The following ANKRD31 variants were observed in gnomAD, a reference collection of about 807,000 sequenced individuals.
ANKRD31 encodes the protein ankyrin repeat domain-containing protein 31.
In ANKRD31, 147 loss-of-function variants were observed where a neutral mutation model predicts 186.0. The ratio of observed to expected loss-of-function variants is 0.79; its 90% CI spans 0.69 to 0.91. The LOEUF (loss-of-function observed/expected upper bound fraction) is 0.91. ANKRD31 is among the 40% of genes least tolerant of loss of function. The probability of loss-of-function intolerance (pLI) is 0.00; values close to 1 mark genes in which losing one functional copy is unlikely to be tolerated. For missense variants in ANKRD31, 1,986 were observed against 2,148.8 expected (o/e 0.92, Z 1.50); for synonymous variants, 673 against 736.4 (o/e 0.91, Z 1.39).
In ANKRD31 at chr5:75,147,040, G is replaced by C. The variant is rs1751495014; in HGVS notation, c.2371C>G (p.Leu791Val). 6.5e-7 allele frequency: 1 copy of C among 1,536,140 alleles called. No homozygotes were observed. The highest frequency in any genetic ancestry group is 8.7e-7 in the Non-Finnish European group (1 of 1,146,296). ...GTACTGCTATCTAATCCATTTCTCAGGCTTGACAGAGTTAAGCTGGAAGGT... is the reference window on the plus strand; with the variant it reads ...GTACTGCTATCTAATCCATTTCTCACGCTTGACAGAGTTAAGCTGGAAGGT... ...CEPSSLTLSS[L>V]RNGLDSSTEA... The change falls in exon 14 of 26, where the codon CTG becomes GTG. Residue 791 changes from leucine to valine, a missense_variant. Coordinates refer to ENST00000506364, the MANE Select transcript of ANKRD31 (RefSeq NM_001372053.1).
chr5:75,169,004 T>A lies in ANKRD31; in HGVS notation c.1682A>T (p.Asp561Val), dbSNP rs1753124872. The change falls in exon 11 of 26, where the codon GAT becomes GTT. Residue 561 changes from aspartate to valine, a missense_variant. Transcript: ENST00000506364. ...KGLYQITPLH[D>V]AVMNGHYKVA... ...CTTATAATGTCCATTCATCACTGCATCATGTAGGGGAGTAATCTGGTATAA... is the reference window on the plus strand; with the variant it reads ...CTTATAATGTCCATTCATCACTGCAACATGTAGGGGAGTAATCTGGTATAA... 6.5e-7 allele frequency: 1 copy of A among 1,536,378 alleles called. No individual in the cohort carries two copies. Among genetic ancestry groups the A allele is most frequent in the Non-Finnish European group, 8.7e-7 (1 of 1,146,308 alleles).
At chr5:75,126,153 G>T (rs995820216) in intron 17 of ANKRD31, among the ~76,000 whole-genome samples, 1 of 152,130 alleles carries the variant, frequency 6.6e-6, no homozygotes, top group Non-Finnish European at 1.5e-5. Context: ...CACCCATATT[G>T]TTGTGTATAT....
At chr5:75,172,394 A>G (rs1419556717) in intron 10 of ANKRD31, among the ~76,000 whole-genome samples, 2 of 151,540 alleles carry the variant, frequency 1.3e-5, no homozygotes, top group African/African-American at 4.8e-5. Flanking sequence ...TAAATTAAGA[A>G]TAGGCTCCTT....
chr5:75,222,382 T>C (rs1325091153), intron 2 of ANKRD31, 24 bp from the exon 3 acceptor site: 4 of 1,492,102 alleles, frequency 2.7e-6, no homozygotes, highest in Non-Finnish European at 3.6e-6. Flanking sequence ...TAATCATAAA[T>C]CATTTACAAC....
chr5:75,132,344 C>G (rs1008849257), intron 17 of ANKRD31, among the ~76,000 whole-genome samples: 8 of 152,104 alleles, frequency 5.3e-5, no homozygotes, highest in Non-Finnish European at 1.0e-4. Flanking sequence ...GAGCTGAAAA[C>G]CATGGCACGA....
In ANKRD31 at chr5:75,188,552, G is replaced by C; in HGVS notation, c.1505C>G (p.Ala502Gly). 2.0e-6 allele frequency: 3 copies of C among 1,536,218 alleles called. No individual in the cohort carries two copies. The highest frequency in any genetic ancestry group is 2.6e-6 in the Non-Finnish European group (3 of 1,146,384). The change falls in exon 10 of 26, where the codon GCT (alanine) becomes GGT (glycine). Residue 502 changes from alanine to glycine, a missense_variant. Physicochemically the swap from Ala to Gly is moderately conservative, Grantham distance 60. Transcript: ENST00000506364. ...LVYKAALHDDADLVHHCIKKG... is the reference protein window; with the variant it reads ...LVYKAALHDDGDLVHHCIKKG... Reference sequence around the variant, plus strand: ...TTTTATACAATGATGAACAAGATCAGCATCATCGTGTAGAGCAGCCTTATA... The same window carrying C: ...TTTTATACAATGATGAACAAGATCACCATCATCGTGTAGAGCAGCCTTATA...
At chr5:75,086,645 T>G (rs903379275) in intron 23 of ANKRD31, among the ~76,000 whole-genome samples, 2 of 152,158 alleles carry the variant, frequency 1.3e-5, no homozygotes, top group Admixed American at 6.5e-5. Flanking sequence ...GATGAGAACA[T>G]GTAAGAGAGA....
At chr5:75,182,949 G>A (rs777331304) in intron 10 of ANKRD31, among the ~76,000 whole-genome samples, 4 of 152,146 alleles carry the variant, frequency 2.6e-5, no homozygotes, top group South Asian at 2.1e-4. Flanking sequence ...GGGTCAGGGG[G>A]AGGAGGTGCT....
intron 11 of ANKRD31, among the ~76,000 whole-genome samples, chr5:75,161,167 A>G (rs903859310): frequency 2.0e-5 from 3 of 152,170 alleles, no homozygotes; most frequent in African/African-American, 7.2e-5. Flanking sequence ...AAAAGGTGGG[A>G]AAGTTTGGAA....
Position 75,115,410 on chromosome 5 carries a change from G to A in ANKRD31, c.4155+1156C>T, listed in dbSNP as rs191906298. Among the ~76,000 whole-genome samples, 1,256 of 152,266 alleles carry A rather than the reference G, an allele frequency of 8.2e-3. 30 individuals are homozygous for A. Among genetic ancestry groups the A allele is most frequent in the African/African-American group, 0.028 (1,166 of 41,540 alleles). On this transcript the variant is annotated intron_variant, in intron 19 of 25. Coordinates refer to ENST00000506364, the MANE Select transcript of ANKRD31 (RefSeq NM_001372053.1). ...AACAAAAGCCGAAATAGACAAATGG[G>A]ATCTAATTAAACTAAAGAGCTTCTG...
At chr5:75,217,615 T>C (rs1190301705) in intron 3 of ANKRD31, among the ~76,000 whole-genome samples, 4 of 152,210 alleles carry the variant, frequency 2.6e-5, no homozygotes, top group Non-Finnish European at 5.9e-5. Flanking sequence ...TTGGTGGATT[T>C]TTCTCCAACC....
intron 10 of ANKRD31, among the ~76,000 whole-genome samples, chr5:75,180,643 C>T (rs1159184812): frequency 6.6e-6 from 1 of 152,156 alleles, no homozygotes; most frequent in Non-Finnish European, 1.5e-5. Context: ...AAAGGATTCC[C>T]TATTTAATAA....
intron 20 of ANKRD31, among the ~76,000 whole-genome samples, chr5:75,109,894 G>A (rs542921528): frequency 2.0e-5 from 3 of 152,198 alleles, no homozygotes; most frequent in East Asian, 1.9e-4. Context: ...TGTATTGCCC[G>A]CATCATAGAA....
intron 25 of ANKRD31, among the ~76,000 whole-genome samples, chr5:75,071,747 C>T (rs1200820401): frequency 6.6e-6 from 1 of 152,068 alleles, no homozygotes; most frequent in Non-Finnish European, 1.5e-5. Flanking sequence ...ATCTGCCCAC[C>T]TCGGCCTCCC....
intron 7 of ANKRD31, among the ~76,000 whole-genome samples, chr5:75,194,776 TATATA>T (rs1755348944): frequency 6.6e-6 from 1 of 152,096 alleles, no homozygotes; most frequent in Admixed American, 6.6e-5. Flanking sequence ...GAAGGCATTA[TATATA>T]ATATAATCCC....
At chr5:75,221,289 A>G (rs911413723) in intron 3 of ANKRD31, among the ~76,000 whole-genome samples, 1 of 152,236 alleles carries the variant, frequency 6.6e-6, no homozygotes, top group Non-Finnish European at 1.5e-5. Flanking sequence ...AGAAATCTAC[A>G]TGCAGTTTGA....
chr5:75,164,402 A>T (rs1298229629), intron 11 of ANKRD31, among the ~76,000 whole-genome samples: 1 of 152,236 alleles, frequency 6.6e-6, no homozygotes, highest in Non-Finnish European at 1.5e-5. Context: ...GCAACAGATA[A>T]CTAATACAGA....
intron 25 of ANKRD31, 49 bp from the exon 26 acceptor site, chr5:75,068,713 G>T (rs766950957): frequency 1.3e-4 from 193 of 1,437,972 alleles, no homozygotes; most frequent in Non-Finnish European, 1.7e-4. Flanking sequence ...TGAAATTTAA[G>T]ATGTAAATTT....
chr5:75,159,722 T>C (rs570004707), intron 11 of ANKRD31, among the ~76,000 whole-genome samples: 2 of 147,940 alleles, frequency 1.4e-5, no homozygotes, highest in South Asian at 2.1e-4. Flanking sequence ...TTAAAGGAAA[T>C]ACTAAAGGTA....
Sources: gnomAD v4.1 joint callset for allele counts (sites outside exome capture counted in the v4.1 genomes callset) on GRCh38, gnomAD v4.1.1 for gene constraint, MANE v1.5 for transcripts, NCBI Gene and HGNC (gene_info 2026-07-23, HGNC 2026-07-21) for gene names.